Variants in VBP1 observed in about 807,000 individuals in gnomAD.
VBP1 encodes VHL binding protein 1, also known as prefoldin subunit 3.
A neutral mutation model predicts 15.5 loss-of-function variants in VBP1; 4 were observed. The ratio of observed to expected loss-of-function variants is 0.26; its 90% CI spans 0.13 to 0.59. VBP1 has a LOEUF of 0.59. VBP1 is among the 20% of genes least tolerant of loss of function. The pLI is 0.90. For synonymous variants in VBP1, 61 were observed against 52.1 expected (o/e 1.17, Z -0.74); for missense variants, 108 against 139.6 (o/e 0.77, Z 1.14).
upstream of VBP1, among the ~76,000 whole-genome samples, chrX:155,211,477 C>T (rs782131190): frequency 8.9e-6 from 1 of 112,173 alleles, no homozygotes; most frequent in East Asian, 2.8e-4. Flanking sequence ...GAAACAAGTC[C>T]ATACCCTTAA....
intron 2 of VBP1, among the ~76,000 whole-genome samples, chrX:155,222,264 G>A (rs781828531): frequency 1.8e-5 from 2 of 112,188 alleles, no homozygotes; most frequent in Admixed American, 9.4e-5. Flanking sequence ...TGGGCGGATC[G>A]CTTGAGCCCA....
At position 155,209,435 on chromosome X, in the gene VBP1, G is replaced by A. The variant is rs782668230; in HGVS notation, c.78+454G>A. Among the ~76,000 whole-genome samples the A allele has an allele frequency of 3.6e-4, 41 of 112,401 alleles. No individual in the cohort carries two copies. The South Asian group carries it at 0.015, about 40-fold the overall frequency. ...ACAGACACAGAGAGGGAAGCACAAAGCACCATGGGAACTCAAAGAACGGAA... is the reference window on the plus strand; with the variant it reads ...ACAGACACAGAGAGGGAAGCACAAAACACCATGGGAACTCAAAGAACGGAA... On this transcript the variant is annotated intron_variant, in intron 2 of 6. Transcript: ENST00000535916.
chrX:155,198,810 C>T (rs782732214), intron 1 of VBP1, among the ~76,000 whole-genome samples: 21 of 111,553 alleles, frequency 1.9e-4, no homozygotes, highest in African/African-American at 3.6e-4. Context: ...CAAACTACTC[C>T]GAGCTACAGG....
chrX:155,238,233 T>C (rs1557311818), intron 5 of VBP1, among the ~76,000 whole-genome samples: 1 of 111,952 alleles, frequency 8.9e-6, no homozygotes, highest in Admixed American at 9.5e-5. Flanking sequence ...CTCTGTTACA[T>C]TGACATTCTA....
chrX:155,203,244 G>C (rs1468730503), intron 1 of VBP1, among the ~76,000 whole-genome samples: 1 of 111,021 alleles, frequency 9.0e-6, no homozygotes, highest in Non-Finnish European at 1.9e-5. Flanking sequence ...ATTTGACCCA[G>C]CCATCCCATT....
At chrX:155,212,325 T>C (rs1185665353), upstream of VBP1, among the ~76,000 whole-genome samples, 3 of 111,675 alleles carry the variant, frequency 2.7e-5, no homozygotes, top group Non-Finnish European at 3.8e-5. Flanking sequence ...ATGCTTTTTA[T>C]TGGGTTTGGT....
intron 2 of VBP1, among the ~76,000 whole-genome samples, chrX:155,226,716 A>G (rs1271759755): frequency 2.7e-5 from 3 of 112,182 alleles, no homozygotes; most frequent in Non-Finnish European, 5.6e-5. Context: ...AGGAGTAGCT[A>G]TGTGCATCAC....
upstream of VBP1, among the ~76,000 whole-genome samples, chrX:155,212,625 A>C (rs1288148119): frequency 8.9e-6 from 1 of 112,036 alleles, no homozygotes; most frequent in African/African-American, 3.2e-5. Context: ...AGATAGGTGA[A>C]GACACTTGTC....
At position 155,227,300 on chromosome X, in the gene VBP1, A is replaced by G; in HGVS notation, c.284A>G (p.Lys95Arg). The change falls in exon 3 of 6, where the codon AAA becomes AGA. Residue 95 changes from lysine (K) to arginine (R), a missense_variant and splice_region_variant. Coordinates refer to ENST00000286428, the MANE Select transcript of VBP1 (RefSeq NM_003372.7). ...LEILKYMQKK[K>R]ESTNSMETRF... ...ATTCTAAAATACATGCAGAAGAAAA[A>G]AGTAAGTGCATTTTTGTTTGTAAAT... The G allele has an allele frequency of 8.6e-7, 1 of 1,161,186 alleles. No individual in the cohort carries two copies. The highest frequency in any genetic ancestry group is 3.2e-5 in the East Asian group (1 of 31,363).
upstream of VBP1, chrX:155,213,153 G>A (rs2074650398): frequency 8.9e-6 from 1 of 111,781 alleles, no homozygotes; most frequent in African/African-American, 3.3e-5. Flanking sequence ...GAGTTCCAAA[G>A]CCCCTAGGGG....
At chrX:155,223,891 G>A (rs1364715704) in intron 2 of VBP1, among the ~76,000 whole-genome samples, 1 of 109,392 alleles carries the variant, frequency 9.1e-6, no homozygotes, top group Non-Finnish European at 1.9e-5. Flanking sequence ...CAGATGGGGC[G>A]GCTGCCGGGC....
At chrX:155,237,704 A>C (rs1249940866) in intron 5 of VBP1, among the ~76,000 whole-genome samples, 1 of 112,002 alleles carries the variant, frequency 8.9e-6, no homozygotes, top group African/African-American at 3.2e-5. Flanking sequence ...CCATATTTAC[A>C]GGATGTGCTC....
chrX:155,210,346 C>T (rs186522864), intron 2 of VBP1, among the ~76,000 whole-genome samples: 60 of 111,693 alleles, frequency 5.4e-4, no homozygotes, highest in East Asian at 2.5e-3. Context: ...CCTAGCCACT[C>T]GGGAGGCTGA....
chrX:155,210,111 C>T (rs1354786525), intron 2 of VBP1, among the ~76,000 whole-genome samples: 1 of 111,317 alleles, frequency 9.0e-6, no homozygotes, highest in African/African-American at 3.3e-5. Context: ...CTAACCCACT[C>T]TAGTCTTCCA....
intron 1 of VBP1, among the ~76,000 whole-genome samples, chrX:155,202,788 C>G (rs1405835022): frequency 6.4e-5 from 7 of 108,892 alleles, no homozygotes; most frequent in South Asian, 4.0e-4. Flanking sequence ...AGCTTCTGCA[C>G]AGCAAAAGAA....
intron 1 of VBP1, among the ~76,000 whole-genome samples, chrX:155,216,799 G>A: frequency 8.9e-6 from 1 of 112,085 alleles, no homozygotes; most frequent in East Asian, 2.8e-4. Context: ...AACGGGGTGC[G>A]GGGCCGGGAC....
intron 2 of VBP1, among the ~76,000 whole-genome samples, chrX:155,210,517 G>A (rs1003047572): frequency 7.2e-5 from 8 of 111,591 alleles, no homozygotes; most frequent in African/African-American, 2.6e-4. Flanking sequence ...AGTGCCCTCA[G>A]TAGCCACAGT....
chrX:155,224,121 G>A (rs1458516069), intron 2 of VBP1, among the ~76,000 whole-genome samples: 1 of 109,558 alleles, frequency 9.1e-6, no homozygotes, highest in Non-Finnish European at 1.9e-5. Flanking sequence ...TCCCAGAGTG[G>A]GCGGCCGGGC....
At chrX:155,208,187 G>A (rs1382331726) in intron 1 of VBP1, among the ~76,000 whole-genome samples, 1 of 112,017 alleles carries the variant, frequency 8.9e-6, no homozygotes, top group Non-Finnish European at 1.9e-5. Flanking sequence ...GATGGTCACA[G>A]TCTTATATTA....
Sources: gnomAD v4.1 joint callset for allele counts (sites outside exome capture counted in the v4.1 genomes callset) on GRCh38, gnomAD v4.1.1 for gene constraint, MANE v1.5 for transcripts, NCBI Gene and HGNC (gene_info 2026-07-23, HGNC 2026-07-21) for gene names.